SMOC2: variants seen among roughly 807,000 people sequenced by gnomAD.
SMOC2 encodes the protein SPARC-related modular calcium-binding protein 2.
SMOC2 carries 39 observed loss-of-function variants against 61.4 expected under a neutral mutation model. The observed-to-expected ratio is 0.64, with a 90% CI of 0.49 to 0.83. SMOC2 has a LOEUF of 0.83. SMOC2 is among the 40% of genes least tolerant of loss of function. The probability of loss-of-function intolerance (pLI) is 0.00; values close to 1 mark genes in which losing one functional copy is unlikely to be tolerated. For synonymous variants in SMOC2, 247 were observed against 239.9 expected (o/e 1.03, Z -0.27); for missense variants, 556 against 592.9 (o/e 0.94, Z 0.65).
At chr6:168,543,185 C>T (rs533915842) in intron 4 of SMOC2, among the ~76,000 whole-genome samples, 17 of 152,194 alleles carry the variant, frequency 1.1e-4, no homozygotes, top group Non-Finnish European at 1.8e-4. Context: ...GGTAGTTCCT[C>T]GCCATTCTCC....
At chr6:168,642,204 C>T (rs147498985) in intron 9 of SMOC2, among the ~76,000 whole-genome samples, 162 of 152,260 alleles carry the variant, frequency 1.1e-3, no homozygotes, top group African/African-American at 3.6e-3. Flanking sequence ...AGCACAGCCA[C>T]AGGGTAGAAG....
chr6:168,522,542 A>G (rs918218067), intron 2 of SMOC2, among the ~76,000 whole-genome samples: 1 of 152,260 alleles, frequency 6.6e-6, no homozygotes, highest in Non-Finnish European at 1.5e-5. Flanking sequence ...AACATGCTGT[A>G]ACATACATAA....
chr6:168,585,066 T>A (rs1042643741), intron 7 of SMOC2, among the ~76,000 whole-genome samples: 2 of 152,196 alleles, frequency 1.3e-5, no homozygotes, highest in African/African-American at 4.8e-5. Context: ...CAAGTGATCT[T>A]CCCATCTCAG....
chr6:168,605,673 G>T (rs1785668490), intron 8 of SMOC2, among the ~76,000 whole-genome samples: 1 of 152,158 alleles, frequency 6.6e-6, no homozygotes, highest in Non-Finnish European at 1.5e-5. Context: ...CTTCCTGATT[G>T]CTTCGAAGCT....
chr6:168,639,348 C>T (rs1045798771), intron 9 of SMOC2, among the ~76,000 whole-genome samples: 3 of 151,918 alleles, frequency 2.0e-5, no homozygotes, highest in Admixed American at 1.3e-4. Flanking sequence ...CCATAGTTTA[C>T]GAAAAAGAAA....
intron 1 of SMOC2, among the ~76,000 whole-genome samples, chr6:168,484,590 A>AT (rs1412486775): frequency 6.6e-6 from 1 of 152,220 alleles, no homozygotes; most frequent in South Asian, 2.1e-4. Context: ...TCCACTTCTG[A>AT]TTATGTACCC....
At chr6:168,612,290 C>T (rs1785896640) in intron 9 of SMOC2, among the ~76,000 whole-genome samples, 1 of 129,854 alleles carries the variant, frequency 7.7e-6, no homozygotes, top group African/African-American at 2.9e-5. Context: ...GAGAGGGTGA[C>T]CCCAGCCTTT....
At chr6:168,628,221 T>C (rs781554530) in intron 9 of SMOC2, among the ~76,000 whole-genome samples, 1 of 152,208 alleles carries the variant, frequency 6.6e-6, no homozygotes, top group Non-Finnish European at 1.5e-5. Context: ...ATATTTTAGC[T>C]TGACAAAACA....
chr6:168,599,206 ACT>A (rs1228841319), intron 8 of SMOC2, among the ~76,000 whole-genome samples: 6 of 121,990 alleles, frequency 4.9e-5, no homozygotes, highest in Admixed American at 8.5e-5. Flanking sequence ...CCACACACAC[ACT>A]CATACCCACA....
chr6:168,480,988 T>C (rs568198368), intron 1 of SMOC2, among the ~76,000 whole-genome samples: 1 of 152,234 alleles, frequency 6.6e-6, no homozygotes, highest in Middle Eastern at 3.4e-3. Flanking sequence ...AGCAAAGCTG[T>C]TCTTCAAAAG....
intron 7 of SMOC2, among the ~76,000 whole-genome samples, chr6:168,568,507 C>G (rs1480972414): frequency 6.6e-6 from 1 of 152,120 alleles, no homozygotes; most frequent in Non-Finnish European, 1.5e-5. Flanking sequence ...AGGTTCACTC[C>G]TGATGTTGGA....
intron 1 of SMOC2, among the ~76,000 whole-genome samples, chr6:168,470,305 A>T (rs1781942107): frequency 6.6e-6 from 1 of 152,230 alleles, no homozygotes; most frequent in African/African-American, 2.4e-5. Context: ...TTTAATGAAA[A>T]AATACCTGTT....
intron 4 of SMOC2, among the ~76,000 whole-genome samples, chr6:168,543,022 A>G (rs986645301): frequency 5.3e-5 from 8 of 152,228 alleles, no homozygotes; most frequent in African/African-American, 1.9e-4. Context: ...TTGGTATTCT[A>G]ATGAAGAGGG....
At chr6:168,540,759 T>C (rs1394628072) in intron 4 of SMOC2, among the ~76,000 whole-genome samples, 1 of 152,130 alleles carries the variant, frequency 6.6e-6, no homozygotes, top group Non-Finnish European at 1.5e-5. Context: ...GCTGTTCCCT[T>C]TTCTTTTTCT....
rs539788215 is a variant in SMOC2, at chr6:168,517,670, G to A, written c.256+7584G>A. On this transcript the variant is annotated intron_variant, in intron 2 of 12. Transcript: ENST00000356284. ...GCTCCTTCTGTTGCAGTTTTCCTGAGAGCACGGCAATGGCCCCTGCGGCTC... is the reference window on the plus strand; with the variant it reads ...GCTCCTTCTGTTGCAGTTTTCCTGAAAGCACGGCAATGGCCCCTGCGGCTC... Among the ~76,000 whole-genome samples, 7 of 152,334 alleles carry A rather than the reference G, an allele frequency of 4.6e-5. No homozygotes were observed. The South Asian group carries it at 1.4e-3, about 32-fold the overall frequency.
intron 1 of SMOC2, among the ~76,000 whole-genome samples, chr6:168,484,468 T>C (rs989895443): frequency 1.3e-5 from 2 of 152,094 alleles, no homozygotes; most frequent in Admixed American, 1.3e-4. Context: ...TGTGGAGAAA[T>C]TGGAACGTTT....
chr6:168,605,308 G>T lies in SMOC2; in HGVS notation c.825-2849G>T, dbSNP rs1281312995. Among the ~76,000 whole-genome samples the T allele has an allele frequency of 2.6e-5, 4 of 152,188 alleles. No individual in the cohort carries two copies. The East Asian group carries it at 7.7e-4, about 29-fold the overall frequency. ...CCCAGAGCGTGTCTTTCAGTGGGGT[G>T]TGCAGGGGATCATGTGGGCATAGGA... On this transcript the variant is annotated intron_variant, in intron 8 of 12. Coordinates refer to ENST00000356284, the MANE Select transcript of SMOC2 (RefSeq NM_001166412.2).
chr6:168,653,746 C>A (rs1787264575), intron 11 of SMOC2, among the ~76,000 whole-genome samples: 1 of 144,632 alleles, frequency 6.9e-6, no homozygotes, highest in African/African-American at 2.7e-5. Context: ...ACCTGAGCTC[C>A]AACCAAATGT....
At chr6:168,610,928 C>T (rs1378579055) in intron 9 of SMOC2, among the ~76,000 whole-genome samples, 1 of 152,244 alleles carries the variant, frequency 6.6e-6, no homozygotes, top group Non-Finnish European at 1.5e-5. Context: ...AAAACCACAC[C>T]TTCTTAAACC....
Sources: gnomAD v4.1 joint callset for allele counts (sites outside exome capture counted in the v4.1 genomes callset) on GRCh38, gnomAD v4.1.1 for gene constraint, MANE v1.5 for transcripts, NCBI Gene and HGNC (gene_info 2026-07-23, HGNC 2026-07-21) for gene names.